CNGB1: variants seen among roughly 807,000 people sequenced by gnomAD.
The protein encoded by CNGB1 is cyclic nucleotide-gated channel beta-1.
In CNGB1, 126 loss-of-function variants were observed where a neutral mutation model predicts 151.7. The ratio of observed to expected loss-of-function variants is 0.83; its 90% CI spans 0.72 to 0.96. The LOEUF (loss-of-function observed/expected upper bound fraction) is 0.96, where lower values mean the gene tolerates loss of function less well. Among genes scored for constraint, CNGB1 ranks in the 40% least tolerant of loss-of-function variants. The probability of loss-of-function intolerance (pLI) is 0.00; values close to 1 mark genes in which losing one functional copy is unlikely to be tolerated. For synonymous variants in CNGB1, 623 were observed against 635.1 expected (o/e 0.98, Z 0.29); for missense variants, 1,698 against 1,627.0 (o/e 1.04, Z -0.75).
chr16:57,917,475 G>GT lies in CNGB1; in HGVS notation c.1958dup (p.Asn653LysfsTer79), dbSNP rs1156631936. On this transcript the variant is annotated frameshift_variant and splice_region_variant, in exon 21 of 33. Coordinates refer to ENST00000251102, the MANE Select transcript of CNGB1 (RefSeq NM_001297.5). LOFTEE classifies it high-confidence loss of function. The stretch of plus-strand genomic sequence containing the variant: ...AGAACAGCCATAGGACATACATCAG[G>GT]TCTGTGGGGAAGGTTGACGGGGACG... 6.2e-7 allele frequency: 1 copy of GT among 1,614,032 alleles called. No individual in the cohort carries two copies. Among genetic ancestry groups the GT allele is most frequent in the Non-Finnish European group, 8.5e-7 (1 of 1,179,998 alleles).
chr16:57,928,777 A>G (rs1355811164), intron 17 of CNGB1, among the ~76,000 whole-genome samples: 1 of 152,170 alleles, frequency 6.6e-6, no homozygotes, highest in Non-Finnish European at 1.5e-5. Context: ...AGCTGGGACT[A>G]TAGGCATGTG....
intron 4 of CNGB1, among the ~76,000 whole-genome samples, chr16:57,963,459 T>C (rs1962312509): frequency 6.6e-6 from 1 of 152,238 alleles, no homozygotes; most frequent in Non-Finnish European, 1.5e-5. Flanking sequence ...TGTCCTGCTC[T>C]GAGCACACAT....
At chr16:57,949,645 C>T (rs537498203) in intron 13 of CNGB1, among the ~76,000 whole-genome samples, 1 of 152,304 alleles carries the variant, frequency 6.6e-6, no homozygotes, top group East Asian at 1.9e-4. Flanking sequence ...GGGGACTGTC[C>T]CAGCCACTGT....
intron 32 of CNGB1, 147 bp from the exon 33 acceptor site, chr16:57,884,604 G>A: frequency 1.2e-6 from 1 of 804,790 alleles, no homozygotes; most frequent in Non-Finnish European, 2.1e-6. Context: ...GTGGGGTGGA[G>A]CCGCATCGGG....
intron 31 of CNGB1, among the ~76,000 whole-genome samples, chr16:57,892,097 C>T (rs1253333313): frequency 6.9e-6 from 1 of 145,348 alleles, no homozygotes; most frequent in African/African-American, 2.6e-5. Context: ...AAAAGAGTAG[C>T]ATTAAATGGA....
chr16:57,963,938 C>T, intron 4 of CNGB1, 192 bp downstream of exon 4: 1 of 585,792 alleles, frequency 1.7e-6, no homozygotes, highest in Non-Finnish European at 3.0e-6. Flanking sequence ...GAGCTTCAGG[C>T]TTACTTAGGG....
chr16:57,926,520 C>T lies in CNGB1; in HGVS notation c.1536-3140G>A, dbSNP rs1187905516. Among the ~76,000 whole-genome samples the T allele has an allele frequency of 3.3e-5, 5 of 152,206 alleles. No homozygotes were observed. The East Asian group carries it at 7.7e-4, about 23-fold the overall frequency. On this transcript the variant is annotated intron_variant, in intron 17 of 32. Coordinates refer to ENST00000251102, the MANE Select transcript of CNGB1 (RefSeq NM_001297.5). The stretch of plus-strand genomic sequence containing the variant: ...AGAAGGCTCTGAAATGATCCTGTTG[C>T]CTTCTGCCAACTCGCCGAGGATGGC...
chr16:57,910,851 C>T (rs1213305387), intron 25 of CNGB1, among the ~76,000 whole-genome samples: 2 of 152,154 alleles, frequency 1.3e-5, no homozygotes. Flanking sequence ...TGCACCCCAA[C>T]CACCTTGCAC....
intron 12 of CNGB1, among the ~76,000 whole-genome samples, chr16:57,951,976 T>C (rs1197972115): frequency 1.3e-5 from 2 of 152,194 alleles, no homozygotes; most frequent in Admixed American, 6.5e-5. Flanking sequence ...CAAACGCCCC[T>C]GGGGTTTGGC....
chr16:57,920,675 C>T, intron 18 of CNGB1, 131 bp from the exon 19 acceptor site: 1 of 1,061,338 alleles, frequency 9.4e-7, no homozygotes. Context: ...GCCCCCATCT[C>T]CTTCTGACAT....
chr16:57,969,445 T>C (rs886200140), intron 1 of CNGB1, among the ~76,000 whole-genome samples: 1 of 152,110 alleles, frequency 6.6e-6, no homozygotes, highest in Non-Finnish European at 1.5e-5. Flanking sequence ...GATGAAACCC[T>C]GTCTCTACCA....
chr16:57,967,183 G>A lies in CNGB1; in HGVS notation c.104C>T (p.Ala35Val), dbSNP rs375742774. 7.4e-6 allele frequency: 12 copies of A among 1,613,946 alleles called. 1 individual carries two copies. The highest frequency in any genetic ancestry group is 5.3e-5 in the African/African-American group (4 of 74,884). ...AGGATTCGGTTCTGGTTCCACCTCCGCCTCCATCTCTGGCTCTGGTTCCAC... is the reference window on the plus strand; with the variant it reads ...AGGATTCGGTTCTGGTTCCACCTCCACCTCCATCTCTGGCTCTGGTTCCAC... ...EEVEPEPEMEAEVEPEPNPEE... is the reference protein window; with the variant it reads ...EEVEPEPEMEVEVEPEPNPEE... The change falls in exon 2 of 33, where the codon GCG becomes GTG. Residue 35 changes from alanine to valine, a missense_variant. By Grantham distance (64) the Ala-to-Val change is moderately conservative. Coordinates refer to ENST00000251102, the MANE Select transcript of CNGB1 (RefSeq NM_001297.5).
chr16:57,912,544 T>C (rs1960747386), intron 24 of CNGB1, among the ~76,000 whole-genome samples: 1 of 152,012 alleles, frequency 6.6e-6, no homozygotes, highest in South Asian at 2.1e-4. Flanking sequence ...AATGTCTTGC[T>C]GTCTGTTCTA....
chr16:57,931,037 G>A (rs1365186039), intron 17 of CNGB1, among the ~76,000 whole-genome samples: 2 of 151,502 alleles, frequency 1.3e-5, no homozygotes, highest in African/African-American at 4.8e-5. Flanking sequence ...GTTATAATAT[G>A]CAAGTTTTAA....
At chr16:57,905,031 T>C (rs1960507899) in intron 25 of CNGB1, among the ~76,000 whole-genome samples, 156 bp from the exon 26 acceptor site, 1 of 152,152 alleles carries the variant, frequency 6.6e-6, no homozygotes, top group Non-Finnish European at 1.5e-5. Context: ...CCTGCACGTG[T>C]AGAGCACGTT....
chr16:57,912,853 G>A (rs895120762), intron 24 of CNGB1, 77 bp downstream of exon 24: 25 of 1,392,320 alleles, frequency 1.8e-5, no homozygotes, highest in Non-Finnish European at 1.8e-5. Context: ...CATCTGTGTT[G>A]TGTGTGTATT....
Position 57,912,913 on chromosome 16 carries a change from T to C in CNGB1, c.2369+17A>G, listed in dbSNP as rs1240163526. Reference sequence around the variant, plus strand: ...TCATGTGTGTGTGCATGCATGCACATGCAGGGGGAGTCTCACCTGTACACG... The same window carrying C: ...TCATGTGTGTGTGCATGCATGCACACGCAGGGGGAGTCTCACCTGTACACG... On this transcript the variant is annotated intron_variant, in intron 24 of 32. Coordinates refer to ENST00000251102, the MANE Select transcript of CNGB1 (RefSeq NM_001297.5). The C allele has an allele frequency of 1.9e-6, 3 of 1,613,320 alleles. No homozygotes were observed. Among genetic ancestry groups the C allele is most frequent in the East Asian group, 2.2e-5 (1 of 44,872 alleles).
chr16:57,920,377 C>G lies in CNGB1; in HGVS notation c.1801+10G>C. On this transcript the variant is annotated intron_variant, in intron 19 of 32. Transcript: ENST00000251102. Reference sequence around the variant, plus strand: ...CCATCCAGGTAGACCCCCTCCAGCTCCAGACTCACAGGGCTTGGGGCTCTC... The same window carrying G: ...CCATCCAGGTAGACCCCCTCCAGCTGCAGACTCACAGGGCTTGGGGCTCTC... The G allele has an allele frequency of 1.9e-6, 3 of 1,614,088 alleles. No individual in the cohort carries two copies. Among genetic ancestry groups the G allele is most frequent in the Non-Finnish European group, 1.7e-6 (2 of 1,180,020 alleles).
Position 57,934,646 on chromosome 16 carries a change from G to T in CNGB1, c.1373-2768C>A, listed in dbSNP as rs181956189. On this transcript the variant is annotated intron_variant, in intron 16 of 32. Transcript: ENST00000251102. ...TCTCAGATGGTACAGACAAGGCAAA[G>T]TATAACCTAGAATAAGAATGTTACT... 5.9e-4 allele frequency among the ~76,000 whole-genome samples: 89 copies of T among 152,024 alleles called. 1 individual carries two copies. The highest frequency in any genetic ancestry group is 1.9e-3 in the African/African-American group (80 of 41,492).
Sources: allele counts gnomAD v4.1 joint callset (sites outside exome capture counted in the v4.1 genomes callset), GRCh38; gene constraint gnomAD v4.1.1; transcripts MANE v1.5; gene names NCBI Gene and HGNC (gene_info 2026-07-23, HGNC 2026-07-21).